Variants in BTRC observed in about 807,000 individuals in gnomAD.
BTRC encodes the protein beta-transducin repeat containing E3 ubiquitin protein ligase, also known as F-box/WD repeat-containing protein 1A.
Under a neutral mutation model 85.5 loss-of-function variants are expected in BTRC, and 42 were observed. The ratio of observed to expected loss-of-function variants is 0.49; its 90% CI spans 0.38 to 0.64. The LOEUF (loss-of-function observed/expected upper bound fraction) is 0.64, where lower values mean the gene tolerates loss of function less well. Ranked by LOEUF, BTRC falls within the 30% of genes least tolerant of loss-of-function variation. The pLI, the probability that BTRC is intolerant of heterozygous loss-of-function variation, is 0.00. For synonymous variants in BTRC, 255 were observed against 263.3 expected (o/e 0.97, Z 0.30); for missense variants, 594 against 743.5 (o/e 0.80, Z 2.34).
intron 4 of BTRC, among the ~76,000 whole-genome samples, chr10:101,511,825 T>C (rs1231629447): frequency 6.6e-6 from 1 of 152,164 alleles, no homozygotes; most frequent in Non-Finnish European, 1.5e-5. Context: ...CCGTGCTGGC[T>C]GTATTAATAG....
At chr10:101,435,319 G>T (rs1372973038) in intron 2 of BTRC, among the ~76,000 whole-genome samples, 2 of 152,106 alleles carry the variant, frequency 1.3e-5, no homozygotes, top group Admixed American at 6.6e-5. Flanking sequence ...ATACACAACA[G>T]TTTCATAATC....
chr10:101,421,185 C>T (rs972706624), intron 1 of BTRC, among the ~76,000 whole-genome samples: 4 of 151,788 alleles, frequency 2.6e-5, no homozygotes, highest in African/African-American at 9.7e-5. Flanking sequence ...CCTGTTGATC[C>T]TTCTTTTGAT....
In BTRC at chr10:101,460,286, T is replaced by C. The variant is rs186695085; in HGVS notation, c.157-1695T>C. Among the ~76,000 whole-genome samples, 33 of 152,290 alleles carry C rather than the reference T, an allele frequency of 2.2e-4. No individual in the cohort carries two copies. The South Asian group carries it at 2.3e-3, about 11-fold the overall frequency. On this transcript the variant is annotated intron_variant, in intron 2 of 14. Transcript: ENST00000370187. ...TATGGGGTAAATAAATGTTGACCTT[T>C]CCCTTTCTTTGTTTGATACTCTTAC...
intron 1 of BTRC, among the ~76,000 whole-genome samples, chr10:101,380,922 G>T (rs1162700837): frequency 2.0e-5 from 3 of 152,282 alleles, no homozygotes; most frequent in East Asian, 3.9e-4. Context: ...CCTGTTGCTT[G>T]TGCAGTTTGT....
chr10:101,452,783 C>G (rs912761931), intron 2 of BTRC, among the ~76,000 whole-genome samples: 1 of 152,050 alleles, frequency 6.6e-6, no homozygotes, highest in African/African-American at 2.4e-5. Context: ...ATAGGGAGGC[C>G]TTGATGTGGT....
chr10:101,530,971 A>G (rs1215506573), intron 6 of BTRC, among the ~76,000 whole-genome samples: 1 of 152,200 alleles, frequency 6.6e-6, no homozygotes, highest in Non-Finnish European at 1.5e-5. Flanking sequence ...CCAGGAGTTC[A>G]AGACCAGCCT....
At chr10:101,394,016 A>G (rs747940371) in intron 1 of BTRC, among the ~76,000 whole-genome samples, 9 of 152,236 alleles carry the variant, frequency 5.9e-5, no homozygotes, top group African/African-American at 1.9e-4. Flanking sequence ...GTCTGTACCT[A>G]GGACTTCCAG....
At chr10:101,364,132 CTTA>C (rs3830978) in intron 1 of BTRC, among the ~76,000 whole-genome samples, 54,597 of 151,550 alleles carry the variant, frequency 0.36, 10,882 homozygotes, top group Middle Eastern at 0.47. Flanking sequence ...TGGTAAGATG[CTTA>C]TTATGACAAC....
chr10:101,504,106 T>C (rs1263232513), intron 4 of BTRC, among the ~76,000 whole-genome samples: 2 of 152,180 alleles, frequency 1.3e-5, no homozygotes, highest in African/African-American at 4.8e-5. Context: ...GTTTCAACTT[T>C]CAGCATCACA....
intron 1 of BTRC, among the ~76,000 whole-genome samples, chr10:101,402,162 A>G (rs1456783588): frequency 3.9e-5 from 6 of 152,210 alleles, no homozygotes; most frequent in South Asian, 2.1e-4. Flanking sequence ...GTACACAGCT[A>G]CTTCATATCT....
chr10:101,522,356 AAAAAAAAAAAC>A (rs2062122172), intron 5 of BTRC, among the ~76,000 whole-genome samples: 1 of 90,696 alleles, frequency 1.1e-5, no homozygotes, highest in Non-Finnish European at 2.3e-5. Context: ...AAGCTTTAAA[AAAAAAAAAAAC>A]AAAAAAAAAC....
At chr10:101,354,109 C>T (rs931026278), upstream of BTRC, 11 of 1,512,204 alleles carry the variant, frequency 7.3e-6, no homozygotes, top group African/African-American at 1.4e-4. Flanking sequence ...GGGATCCGGG[C>T]GCTGCGTTGG....
At chr10:101,387,753 G>A (rs866317765) in intron 1 of BTRC, among the ~76,000 whole-genome samples, 1 of 151,070 alleles carries the variant, frequency 6.6e-6, no homozygotes, top group African/African-American at 2.4e-5. Flanking sequence ...GCGGTGGCGC[G>A]ATCTCTGCTT....
intron 13 of BTRC, among the ~76,000 whole-genome samples, chr10:101,545,446 G>A (rs1022877966): frequency 6.6e-6 from 1 of 152,148 alleles, no homozygotes; most frequent in African/African-American, 2.4e-5. Flanking sequence ...AAATTTATAT[G>A]ATGTCTTAAC....
At chr10:101,496,036 T>G (rs1336860471) in intron 4 of BTRC, among the ~76,000 whole-genome samples, 2 of 152,070 alleles carry the variant, frequency 1.3e-5, no homozygotes, top group Non-Finnish European at 2.9e-5. Flanking sequence ...TCTGAATTAT[T>G]TCACTGTTTT....
chr10:101,534,195 G>C (rs979161282), intron 9 of BTRC, among the ~76,000 whole-genome samples: 1 of 152,106 alleles, frequency 6.6e-6, no homozygotes, highest in African/African-American at 2.4e-5. Context: ...TAGAGTCATG[G>C]TTATCTTGGC....
rs1176651688 is a variant in BTRC at position 101,522,409 on chromosome 10, CTTTTTTTTTTT to C, written c.556+557_556+567del. Among the ~76,000 whole-genome samples the C allele has an allele frequency of 1.1e-3, 33 of 29,544 alleles. No homozygotes were observed. In the South Asian group the frequency reaches 0.025, roughly 22 times the overall value. The allele number at this position is 29,544 out of a possible 152,430, so 19.4% of individuals were successfully genotyped here. On this transcript the variant is annotated intron_variant, in intron 5 of 14. Coordinates refer to ENST00000370187, the MANE Select transcript of BTRC (RefSeq NM_033637.4). Reference sequence around the variant, plus strand: ...AAAAAAACTCTAGAAATAAAGACTCCTTTTTTTTTTTTTTTTTTTTTTTTTTTTGAGACAAA... The same window carrying C: ...AAAAAAACTCTAGAAATAAAGACTCCTTTTTTTTTTTTTTTTTGAGACAAA...
At chr10:101,379,051 T>A (rs1201040037) in intron 1 of BTRC, among the ~76,000 whole-genome samples, 1 of 152,222 alleles carries the variant, frequency 6.6e-6, no homozygotes, top group African/African-American at 2.4e-5. Context: ...GACTATAAAT[T>A]TCACATAATT....
intron 2 of BTRC, among the ~76,000 whole-genome samples, chr10:101,453,717 A>T (rs1056133696): frequency 6.6e-6 from 1 of 152,228 alleles, no homozygotes; most frequent in African/African-American, 2.4e-5. Flanking sequence ...GTCATGGGGA[A>T]TATTGCCCCA....
Sources: allele counts gnomAD v4.1 joint callset (sites outside exome capture counted in the v4.1 genomes callset), GRCh38; gene constraint gnomAD v4.1.1; transcripts MANE v1.5; gene names NCBI Gene and HGNC (gene_info 2026-07-23, HGNC 2026-07-21).